The following AKAP4 variants were observed in gnomAD, a reference collection of about 807,000 sequenced individuals.
AKAP4 encodes the protein A-kinase anchoring protein 4, also known as A-kinase anchor protein 4.
Under a neutral mutation model 42.6 loss-of-function variants are expected in AKAP4, and 4 were observed. The ratio of observed to expected loss-of-function variants is 0.09; its 90% CI spans 0.05 to 0.22. AKAP4 has a LOEUF of 0.22. Ranked by LOEUF, AKAP4 falls within the 10% of genes least tolerant of loss-of-function variation. The pLI is 1.00. For missense variants in AKAP4, 551 were observed against 630.7 expected, an observed-to-expected ratio of 0.87 and a Z score of 1.35; for synonymous variants, 223 against 233.0, an observed-to-expected ratio of 0.96 and a Z score of 0.39.
In AKAP4 at chrX:50,194,269, G is replaced by A; in HGVS notation, c.444C>T (p.His148=). The change falls in exon 5 of 6, where the codon CAC becomes CAT. Residue 148 remains histidine, a synonymous_variant. Coordinates refer to ENST00000358526, the MANE Select transcript of AKAP4 (RefSeq NM_003886.3). ...TGTAGCAGTTCTCAGAGGATGCTCT[G>A]TGATATTCGCCCTCTGTGTCTCCTA... The part of the protein sequence containing the change: ...HKVGDTEGEY[H]RASSENCYSV... The A allele has an allele frequency of 8.3e-7, 1 of 1,210,356 alleles. No homozygotes were observed. Among genetic ancestry groups the A allele is most frequent in the African/African-American group, 1.7e-5 (1 of 57,604 alleles).
intron 4 of AKAP4, among the ~76,000 whole-genome samples, chrX:50,194,737 T>A (rs1935168877): frequency 9.0e-6 from 1 of 111,029 alleles, no homozygotes; most frequent in Admixed American, 9.7e-5. Flanking sequence ...TATATATGCA[T>A]GGAAATATAG....
chrX:50,192,637 C>T lies in AKAP4; in HGVS notation c.2076G>A (p.Ala692=), dbSNP rs1557203797. ...CTAGTTTATCTATAAATTGCCCGTT[C>T]GCTTGCTTCATCCCACTGGTACAGT... ...ELDCTSGMKQ[A]NGQFIDKLVE... is the part of the protein sequence containing the mutation. The change falls in exon 5 of 6, where the codon GCG becomes GCA. Residue 692 remains alanine, a synonymous_variant. Transcript: ENST00000358526. The T allele has an allele frequency of 5.8e-6, 7 of 1,209,654 alleles. No homozygotes were observed. Among genetic ancestry groups the T allele is most frequent in the African/African-American group, 5.2e-5 (3 of 57,169 alleles).
At chrX:50,194,733 T>C (rs782350978) in intron 4 of AKAP4, among the ~76,000 whole-genome samples, 11 of 111,169 alleles carry the variant, frequency 9.9e-5, no homozygotes, top group Non-Finnish European at 1.9e-4. Context: ...TGTGTATATA[T>C]GCATGGAAAT....
intron 5 of AKAP4, among the ~76,000 whole-genome samples, chrX:50,191,619 G>GGTGTGTGTGTGTGTGT (rs34737063): frequency 3.5e-5 from 3 of 85,783 alleles, no homozygotes; most frequent in East Asian, 3.8e-4. Flanking sequence ...CTGTCAGATA[G>GGTGTGTGTGTGTGTGT]GTGTGTGTGT....
chrX:50,197,096 T>C, intron 3 of AKAP4, 104 bp from the exon 4 acceptor site: 6 of 580,268 alleles, frequency 1.0e-5, no homozygotes, highest in Non-Finnish European at 1.7e-5. Flanking sequence ...TGACTTCTTT[T>C]ATCTTTTTTC....
chrX:50,197,433 C>G, intron 3 of AKAP4, 111 bp downstream of exon 3: 3 of 608,631 alleles, frequency 4.9e-6, no homozygotes, highest in Non-Finnish European at 7.5e-6. Context: ...CCCCCTGAGT[C>G]CCCTCCTCCT....
chrX:50,193,623 A>G lies in AKAP4; in HGVS notation c.1090T>C (p.Ser364Pro). The change falls in exon 5 of 6, where the codon TCT becomes CCT. Residue 364 changes from serine to proline, a missense_variant. Transcript: ENST00000358526. ...VHSSGKPIPASVVLKRVLLRH... is the reference protein window; with the variant it reads ...VHSSGKPIPAPVVLKRVLLRH... ...AGCAACACCCTCTTCAGGACCACAGATGCTGGAATTGGCTTCCCAGAGCTG... is the reference window on the plus strand; with the variant it reads ...AGCAACACCCTCTTCAGGACCACAGGTGCTGGAATTGGCTTCCCAGAGCTG... 1.7e-6 allele frequency: 2 copies of G among 1,211,749 alleles called. No individual in the cohort carries two copies. The highest frequency in any genetic ancestry group is 2.2e-6 in the Non-Finnish European group (2 of 895,494).
chrX:50,192,541 C>T lies in AKAP4; in HGVS notation c.2172G>A (p.Leu724=). The T allele has an allele frequency of 8.3e-7, 1 of 1,211,601 alleles. No individual in the cohort carries two copies. The highest frequency in any genetic ancestry group is 1.1e-6 in the Non-Finnish European group (1 of 895,468). Residue 724 remains leucine, a synonymous_variant, in exon 5 of 6, where the codon TTG becomes TTA. Coordinates refer to ENST00000358526, the MANE Select transcript of AKAP4 (RefSeq NM_003886.3). ...YSNDGAALAE[L]EEQAASANKP... ...TATTTGCCGAGGCTGCTTGTTCTTC[C>T]AACTCAGCAAGGGCTGCCCCATCGT...
At chrX:50,191,622 G>GTGTGTA (rs1935109799) in intron 5 of AKAP4, among the ~76,000 whole-genome samples, 2 of 46,405 alleles carry the variant, frequency 4.3e-5, no homozygotes, top group South Asian at 2.7e-3. Context: ...TCAGATAGGT[G>GTGTGTA]TGTGTGTGTG....
At position 50,194,007 on chromosome X, in the gene AKAP4, T is replaced by A; in HGVS notation, c.706A>T (p.Ile236Phe). Residue 236 changes from isoleucine (I) to phenylalanine (F), a missense_variant, in exon 5 of 6, where the codon ATC becomes TTC. Ile to Phe is a conservative substitution (Grantham distance 21). Coordinates refer to ENST00000358526, the MANE Select transcript of AKAP4 (RefSeq NM_003886.3). ...CTTTTACCTTCCAACTTCTCCTTGATTTCCTTATGGGCCATCTGGATTACC... is the reference window on the plus strand; with the variant it reads ...CTTTTACCTTCCAACTTCTCCTTGAATTCCTTATGGGCCATCTGGATTACC... ...SLVIQMAHKE[I>F]KEKLEGKSKC... 1.7e-6 allele frequency: 2 copies of A among 1,211,675 alleles called. No homozygotes were observed. Among genetic ancestry groups the A allele is most frequent in the South Asian group, 3.5e-5 (2 of 56,982 alleles).
At chrX:50,194,481 C>CT (rs782670189) in intron 4 of AKAP4, 45 bp from the exon 5 acceptor site, 14 of 1,014,349 alleles carry the variant, frequency 1.4e-5, no homozygotes, top group Admixed American at 7.0e-5. Flanking sequence ...GGGTAGGCTA[C>CT]TTTTTTCCCT....
At chrX:50,196,753 G>A (rs1557204387) in intron 4 of AKAP4, 138 bp downstream of exon 4, 2 of 453,372 alleles carry the variant, frequency 4.4e-6, no homozygotes, top group East Asian at 3.7e-5. Context: ...TTACGCCTGT[G>A]TTCTCTAGAA....
rs782060703 is a variant in AKAP4 at position 50,200,910 on chromosome X, T to G, written c.-21A>C. On this transcript the variant is annotated 5_prime_UTR_variant, in exon 1 of 6. Coordinates refer to ENST00000358526, the MANE Select transcript of AKAP4 (RefSeq NM_003886.3). ...ATCATGTAGGACCCTGGAATGATGT[T>G]TTCTTGTTGATTTGGATGCTGTGAT... 8 of 1,203,732 alleles carry G rather than the reference T, an allele frequency of 6.6e-6. No individual in the cohort carries two copies. The South Asian group carries it at 8.9e-5, about 13-fold the overall frequency.
Position 50,196,872 on chromosome X carries a change from T to C in AKAP4, c.276+19A>G, listed in dbSNP as rs1276373106. 1 of 1,107,348 alleles carries C rather than the reference T, an allele frequency of 9.0e-7. No individual in the cohort carries two copies. Among genetic ancestry groups the C allele is most frequent in the Admixed American group, 2.2e-5 (1 of 45,550 alleles). The allele number at this position is 1,107,348 out of a possible 1,213,427, so 91.3% of individuals were successfully genotyped here. On this transcript the variant is annotated intron_variant, in intron 4 of 5. Transcript: ENST00000358526. ...GCTCTGAGAATTAGAAGTGGTGGGA[T>C]CTCAGAGGTTAAGTGTACCTTAGAC...
intron 1 of AKAP4, among the ~76,000 whole-genome samples, chrX:50,199,851 T>C (rs1935240512): frequency 5.9e-5 from 3 of 50,888 alleles, no homozygotes; most frequent in African/African-American, 7.8e-5. Context: ...TTCTCCCTCT[T>C]CCCTCCCCCT....
At chrX:50,197,250 G>GT (rs1191454097) in intron 3 of AKAP4, among the ~76,000 whole-genome samples, 47 of 103,399 alleles carry the variant, frequency 4.5e-4, no homozygotes, top group South Asian at 8.7e-4. Context: ...CTTTGGATGG[G>GT]TTTTTTTTTT....
At chrX:50,196,774 T>C (rs1402178538) in intron 4 of AKAP4, 117 bp downstream of exon 4, 4 of 514,148 alleles carry the variant, frequency 7.8e-6, no homozygotes, top group Non-Finnish European at 1.3e-5. Context: ...TGTCATAGTA[T>C]TCAAATTGAT....
Position 50,196,947 on chromosome X carries a change from G to A in AKAP4, c.220C>T (p.Leu74=). The A allele has an allele frequency of 8.3e-7, 1 of 1,210,105 alleles. No individual in the cohort carries two copies. The highest frequency in any genetic ancestry group is 1.1e-6 in the Non-Finnish European group (1 of 894,458). ...SSEGNLNLGS[L]EEKEIIVIKD... is the part of the protein sequence containing the mutation. Reference sequence around the variant, plus strand: ...ATCACGATAATCTCTTTTTCTTCCAGACTTCCCAGGTTTAAGTTGCCTTCT... The same window carrying A: ...ATCACGATAATCTCTTTTTCTTCCAAACTTCCCAGGTTTAAGTTGCCTTCT... Residue 74 remains leucine, a synonymous_variant, in exon 4 of 6, where the codon CTG becomes TTG. Coordinates refer to ENST00000358526, the MANE Select transcript of AKAP4 (RefSeq NM_003886.3).
intron 4 of AKAP4, among the ~76,000 whole-genome samples, chrX:50,195,752 GT>G (rs1935182133): frequency 9.0e-6 from 1 of 111,589 alleles, no homozygotes; most frequent in Non-Finnish European, 1.9e-5. Flanking sequence ...TGTATAAATT[GT>G]TTTTTGTAAA....
Sources: allele counts gnomAD v4.1 joint callset (sites outside exome capture counted in the v4.1 genomes callset), GRCh38; gene constraint gnomAD v4.1.1; transcripts MANE v1.5; gene names NCBI Gene and HGNC (gene_info 2026-07-23, HGNC 2026-07-21).